The following TENT2 variants were observed in gnomAD, a reference collection of about 807,000 sequenced individuals.
TENT2 encodes the protein poly(A) RNA polymerase GLD2.
In TENT2, 44 loss-of-function variants were observed where a neutral mutation model predicts 72.2. The observed-to-expected ratio is 0.61, with a 90% CI of 0.48 to 0.78. TENT2 has a LOEUF of 0.78. Ranked by LOEUF, TENT2 falls within the 30% of genes least tolerant of loss-of-function variation. The pLI, the probability that TENT2 is intolerant of heterozygous loss-of-function variation, is 0.00. For missense variants in TENT2, 541 were observed against 569.6 expected, an observed-to-expected ratio of 0.95 and a Z score of 0.51; for synonymous variants, 212 against 192.5, an observed-to-expected ratio of 1.10 and a Z score of -0.84.
intron 4 of TENT2, among the ~76,000 whole-genome samples, chr5:79,628,198 C>T (rs1308069178): frequency 1.3e-5 from 2 of 152,050 alleles, no homozygotes; most frequent in African/African-American, 2.4e-5. Context: ...GCATTGTGCT[C>T]GACAGTTTGT....
intron 8 of TENT2, among the ~76,000 whole-genome samples, chr5:79,646,590 A>C (rs946089010): frequency 6.6e-6 from 1 of 152,310 alleles, no homozygotes; most frequent in South Asian, 2.1e-4. Context: ...AATTTCTGCC[A>C]AGTAAATTGT....
intron 11 of TENT2, among the ~76,000 whole-genome samples, chr5:79,665,008 T>C (rs1399693554): frequency 6.6e-6 from 1 of 152,204 alleles, no homozygotes; most frequent in East Asian, 1.9e-4. Flanking sequence ...ATCTCACAAC[T>C]TGTAAAATCT....
intron 13 of TENT2, among the ~76,000 whole-genome samples, chr5:79,680,581 T>G (rs1336645370): frequency 6.6e-6 from 1 of 151,720 alleles, no homozygotes; most frequent in Non-Finnish European, 1.5e-5. Flanking sequence ...CTGTGTAGAT[T>G]ATATGACAAA....
intron 11 of TENT2, among the ~76,000 whole-genome samples, chr5:79,665,579 A>G (rs1387113839): frequency 1.3e-5 from 2 of 152,212 alleles, no homozygotes; most frequent in Admixed American, 1.3e-4. Context: ...GAGAAATGAA[A>G]GATTACGTGT....
At chr5:79,672,808 AT>A (rs1199557742) in intron 12 of TENT2, among the ~76,000 whole-genome samples, 1 of 152,130 alleles carries the variant, frequency 6.6e-6, no homozygotes, top group Admixed American at 6.6e-5. Context: ...ATTTTCTTTC[AT>A]TTGGGTATAT....
In TENT2 at chr5:79,613,022, G is replaced by A. The variant is rs1258984155; in HGVS notation, c.-91G>A. ...GTCCACCACTCCAGGACCAAAAGAG[G>A]AAGATAGTCTTGGGACCCTTGCATG... On this transcript the variant is annotated 5_prime_UTR_variant, in exon 1 of 15. Coordinates refer to ENST00000453514, the MANE Select transcript of TENT2 (RefSeq NM_001114394.3). The A allele has an allele frequency of 6.6e-6, 1 of 152,198 alleles. No homozygotes were observed. Among genetic ancestry groups the A allele is most frequent in the African/African-American group, 2.4e-5 (1 of 41,424 alleles). 9.4% of individuals were successfully genotyped at this position (152,198 alleles called of 1,614,324 possible).
intron 12 of TENT2, among the ~76,000 whole-genome samples, chr5:79,675,016 A>G (rs1383457005): frequency 6.6e-6 from 1 of 152,202 alleles, no homozygotes; most frequent in Non-Finnish European, 1.5e-5. Flanking sequence ...GCATAGCATT[A>G]TTGGTGTGGA....
At chr5:79,642,811 A>G (rs745568964) in intron 6 of TENT2, 21 bp from the exon 7 acceptor site, 4 of 1,580,030 alleles carry the variant, frequency 2.5e-6, no homozygotes, top group South Asian at 1.1e-5. Context: ...ATGAAAAAAC[A>G]CTTTATTTTT....
chr5:79,613,148 G>A (rs1211194509), intron 1 of TENT2, 73 bp downstream of exon 1: 1 of 152,196 alleles, frequency 6.6e-6, no homozygotes, highest in African/African-American at 2.4e-5. Flanking sequence ...GCATGAAATT[G>A]CTTCAGCTTT....
At chr5:79,646,805 G>T (rs1309705753) in intron 8 of TENT2, among the ~76,000 whole-genome samples, 4 of 141,322 alleles carry the variant, frequency 2.8e-5, no homozygotes, top group Non-Finnish European at 6.1e-5. Context: ...GTTTTACCAT[G>T]TTGCCCAGGC....
intron 10 of TENT2, among the ~76,000 whole-genome samples, chr5:79,650,680 A>G (rs541510899): frequency 6.6e-6 from 1 of 152,106 alleles, no homozygotes; most frequent in South Asian, 2.1e-4. Context: ...GGATACTGGG[A>G]ACTGGGAAAA....
chr5:79,652,470 T>TG (rs1305366063), intron 10 of TENT2, among the ~76,000 whole-genome samples: 1 of 152,082 alleles, frequency 6.6e-6, no homozygotes. Context: ...TTTAGCAAAG[T>TG]TCTCTGTACT....
At chr5:79,646,488 C>A (rs1198037040) in intron 8 of TENT2, among the ~76,000 whole-genome samples, 1 of 152,098 alleles carries the variant, frequency 6.6e-6, no homozygotes, top group African/African-American at 2.4e-5. Context: ...TGAATGATGA[C>A]TGAATATATA....
intron 4 of TENT2, 56 bp downstream of exon 4, chr5:79,623,545 A>G: frequency 8.1e-7 from 1 of 1,231,472 alleles, no homozygotes. Flanking sequence ...TAAATAATGT[A>G]TTAATCAAAA....
rs952323738 is a variant in TENT2 at position 79,687,911 on chromosome 5, C to T, written c.*2638C>T. Among the ~76,000 whole-genome samples the T allele has an allele frequency of 1.8e-4, 27 of 152,274 alleles. No homozygotes were observed. Among genetic ancestry groups the T allele is most frequent in the Non-Finnish European group, 2.6e-4 (18 of 68,026 alleles). ...ATTTTGATTAGTGTTTAACAGATTG[C>T]CACAGCTGTGATTGAATTCCTTTTG... On this transcript the variant is annotated 3_prime_UTR_variant, in exon 15 of 15. Transcript: ENST00000453514.
chr5:79,619,847 C>T (rs1763323467), intron 2 of TENT2, 62 bp downstream of exon 2: 6 of 1,550,062 alleles, frequency 3.9e-6, no homozygotes, highest in South Asian at 1.2e-5. Flanking sequence ...TTGACATAAA[C>T]CCTTTTTGTA....
chr5:79,649,317 T>C, intron 10 of TENT2, 127 bp downstream of exon 10: 1 of 846,732 alleles, frequency 1.2e-6, no homozygotes, highest in East Asian at 2.7e-5. Context: ...ATGAAACACA[T>C]TTCCTGTTTT....
chr5:79,643,660 A>G (rs910997190), intron 7 of TENT2, among the ~76,000 whole-genome samples: 1 of 152,184 alleles, frequency 6.6e-6, no homozygotes, highest in Non-Finnish European at 1.5e-5. Context: ...GAAATAAATG[A>G]TTTATTTCAG....
intron 4 of TENT2, among the ~76,000 whole-genome samples, chr5:79,631,313 G>A (rs1262215814): frequency 6.6e-6 from 1 of 152,190 alleles, no homozygotes; most frequent in African/African-American, 2.4e-5. Flanking sequence ...GGCCTCATTT[G>A]CTGAGACAGA....
Sources: allele counts gnomAD v4.1 joint callset (sites outside exome capture counted in the v4.1 genomes callset), GRCh38; gene constraint gnomAD v4.1.1; transcripts MANE v1.5; gene names NCBI Gene and HGNC (gene_info 2026-07-23, HGNC 2026-07-21).